The following OSBPL1A variants were observed in gnomAD, a reference collection of about 807,000 sequenced individuals.
OSBPL1A encodes the protein oxysterol binding protein like 1A, also known as oxysterol-binding protein-related protein 1.
A neutral mutation model predicts 137.1 loss-of-function variants in OSBPL1A; 80 were observed. The observed-to-expected ratio is 0.58, with a 90% CI of 0.49 to 0.70. The LOEUF (loss-of-function observed/expected upper bound fraction) is 0.70. Among genes scored for constraint, OSBPL1A ranks in the 30% least tolerant of loss-of-function variants. OSBPL1A has a pLI of 0.00. For synonymous variants in OSBPL1A, 365 were observed against 389.7 expected (o/e 0.94, Z 0.75); for missense variants, 970 against 1,129.4 (o/e 0.86, Z 2.02).
intron 13 of OSBPL1A, among the ~76,000 whole-genome samples, chr18:24,306,555 A>G (rs570734369): frequency 1.1e-4 from 16 of 152,334 alleles, no homozygotes; most frequent in Non-Finnish European, 1.5e-4. Context: ...GTATGATTCC[A>G]TTTACATGAA....
chr18:24,318,890 A>T, intron 7 of OSBPL1A, 81 bp from the exon 8 acceptor site: 1 of 1,140,178 alleles, frequency 8.8e-7, no homozygotes, highest in Non-Finnish European at 1.3e-6. Flanking sequence ...AGCATCTAAT[A>T]GTCCTTCATT....
chr18:24,171,984 A>G (rs901605160), intron 22 of OSBPL1A, among the ~76,000 whole-genome samples: 3 of 146,298 alleles, frequency 2.1e-5, no homozygotes, highest in African/African-American at 7.7e-5. Flanking sequence ...TCTGTCATCC[A>G]GGCTAAAGTG....
At chr18:24,230,800 T>C (rs1308613557) in intron 16 of OSBPL1A, among the ~76,000 whole-genome samples, 1 of 152,194 alleles carries the variant, frequency 6.6e-6, no homozygotes, top group Non-Finnish European at 1.5e-5. Flanking sequence ...AGCCCTACAT[T>C]ATTTACTGAA....
chr18:24,381,182 A>G (rs1399704627), intron 1 of OSBPL1A, among the ~76,000 whole-genome samples: 5 of 152,274 alleles, frequency 3.3e-5, no homozygotes, highest in African/African-American at 1.2e-4. Flanking sequence ...TACAGCAAGG[A>G]CAAGTGGGAT....
chr18:24,265,803 G>A (rs1478760964), intron 15 of OSBPL1A, among the ~76,000 whole-genome samples: 1 of 152,152 alleles, frequency 6.6e-6, no homozygotes, highest in Non-Finnish European at 1.5e-5. Context: ...CCCTCTCCCA[G>A]GGGAAAGACA....
At chr18:24,311,741 TA>T (rs2090623231) in intron 13 of OSBPL1A, among the ~76,000 whole-genome samples, 1 of 152,194 alleles carries the variant, frequency 6.6e-6, no homozygotes, top group Non-Finnish European at 1.5e-5. Context: ...AAGTTTCAGC[TA>T]AAAAAGTACA....
intron 15 of OSBPL1A, among the ~76,000 whole-genome samples, chr18:24,267,461 G>A (rs938795963): frequency 6.6e-5 from 10 of 152,050 alleles, no homozygotes; most frequent in Admixed American, 5.9e-4. Context: ...AAACCCTGAT[G>A]AGGACAGAAC....
chr18:24,386,050 G>A (rs866706062), intron 1 of OSBPL1A, among the ~76,000 whole-genome samples: 6 of 152,098 alleles, frequency 3.9e-5, no homozygotes, highest in African/African-American at 1.4e-4. Flanking sequence ...AGGGAGCCAG[G>A]GGGAGAGCTC....
intron 5 of OSBPL1A, among the ~76,000 whole-genome samples, chr18:24,338,350 G>A (rs1599685317): frequency 6.6e-6 from 1 of 152,022 alleles, no homozygotes; most frequent in Non-Finnish European, 1.5e-5. Flanking sequence ...AAAGTGCTGG[G>A]ATTACAGGCA....
chr18:24,179,524 A>T (rs2086541905), intron 20 of OSBPL1A, among the ~76,000 whole-genome samples: 1 of 152,120 alleles, frequency 6.6e-6, no homozygotes, highest in South Asian at 2.1e-4. Flanking sequence ...GATCAGGAAT[A>T]CAAAAATCTT....
At chr18:24,165,833 A>G (rs1015367171) in intron 26 of OSBPL1A, among the ~76,000 whole-genome samples, 1 of 152,162 alleles carries the variant, frequency 6.6e-6, no homozygotes, top group African/African-American at 2.4e-5. Context: ...ACAGTGGCTC[A>G]GCCTGTAATC....
At chr18:24,363,528 CCT>C (rs1298874676) in intron 4 of OSBPL1A, among the ~76,000 whole-genome samples, 3 of 149,816 alleles carry the variant, frequency 2.0e-5, no homozygotes, top group Non-Finnish European at 3.0e-5. Context: ...CTCACTGCAA[CCT>C]CTGCCTGCTG....
chr18:24,190,580 A>G (rs368664818), intron 18 of OSBPL1A, among the ~76,000 whole-genome samples: 8 of 152,336 alleles, frequency 5.3e-5, no homozygotes, highest in Admixed American at 6.5e-5. Context: ...TAGGGTCTTC[A>G]AGCCATTTCT....
chr18:24,396,529 T>C lies in OSBPL1A; in HGVS notation c.-3+1126A>G, dbSNP rs137929891. Among the ~76,000 whole-genome samples, 1,151 of 152,284 alleles carry C rather than the reference T, an allele frequency of 7.6e-3. 14 individuals are homozygous for C. The highest frequency in any genetic ancestry group is 0.026 in the African/African-American group (1,068 of 41,554). On this transcript the variant is annotated intron_variant, in intron 1 of 27. Coordinates refer to ENST00000319481, the MANE Select transcript of OSBPL1A (RefSeq NM_080597.4). ...GCCTGGGAGAAATGAAAAAGAATAG[T>C]TAAATTTTAAGAAAGGAATGTTACT...
chr18:24,296,825 C>T (rs1046329357), intron 14 of OSBPL1A, among the ~76,000 whole-genome samples: 3 of 152,112 alleles, frequency 2.0e-5, no homozygotes, highest in African/African-American at 7.2e-5. Flanking sequence ...TATATTAAAG[C>T]ATCCCTGCAT....
chr18:24,295,890 T>C (rs1389409738), intron 14 of OSBPL1A, among the ~76,000 whole-genome samples: 1 of 152,008 alleles, frequency 6.6e-6, no homozygotes, highest in Non-Finnish European at 1.5e-5. Context: ...GTAACCATGA[T>C]GTTTTTGGTA....
intron 7 of OSBPL1A, among the ~76,000 whole-genome samples, chr18:24,322,671 A>C (rs1049195817): frequency 3.9e-5 from 6 of 152,176 alleles, no homozygotes; most frequent in African/African-American, 1.4e-4. Flanking sequence ...GCAGAGAGAA[A>C]GACAACACTA....
At chr18:24,168,519 A>G (rs762845873) in intron 24 of OSBPL1A, among the ~76,000 whole-genome samples, 1 of 152,186 alleles carries the variant, frequency 6.6e-6, no homozygotes, top group Non-Finnish European at 1.5e-5. Context: ...TGCTGTATGT[A>G]TGCAGTCTTT....
Position 24,165,048 on chromosome 18 carries a change from CT to C in OSBPL1A, c.2750+16del, listed in dbSNP as rs775402203. 1.9e-6 allele frequency: 3 copies of C among 1,613,780 alleles called. No individual in the cohort carries two copies. Among genetic ancestry groups the C allele is most frequent in the Admixed American group, 1.7e-5 (1 of 60,004 alleles). The stretch of plus-strand genomic sequence containing the variant: ...CTGCCTGAGGGCTCAGCCACACCCC[CT>C]GACTCAGGCACGCACCTCGTCTTCC... On this transcript the variant is annotated intron_variant, in intron 27 of 27. Coordinates refer to ENST00000319481, the MANE Select transcript of OSBPL1A (RefSeq NM_080597.4).
Sources: gnomAD v4.1 joint callset for allele counts (sites outside exome capture counted in the v4.1 genomes callset) on GRCh38, gnomAD v4.1.1 for gene constraint, MANE v1.5 for transcripts, NCBI Gene and HGNC (gene_info 2026-07-23, HGNC 2026-07-21) for gene names.